PDE6C: variants seen among roughly 807,000 people sequenced by gnomAD.
PDE6C encodes phosphodiesterase 6C.
In PDE6C, 75 loss-of-function variants were observed where a neutral mutation model predicts 113.1. The observed-to-expected ratio is 0.66, with a 90% CI of 0.55 to 0.80. The LOEUF (loss-of-function observed/expected upper bound fraction) is 0.80, where lower values mean the gene tolerates loss of function less well. Ranked by LOEUF, PDE6C falls within the 30% of genes least tolerant of loss-of-function variation. The pLI is 0.00. For synonymous variants in PDE6C, 375 were observed against 363.7 expected, an observed-to-expected ratio of 1.03 and a Z score of -0.35; for missense variants, 912 against 1,038.6, an observed-to-expected ratio of 0.88 and a Z score of 1.67.
chr10:93,640,396 C>CA, intron 12 of PDE6C, 54 bp from the exon 13 acceptor site: 1 of 1,418,532 alleles, frequency 7.0e-7, no homozygotes, highest in Admixed American at 1.7e-5. Flanking sequence ...TGCCACAGAC[C>CA]TTCTAACCTT....
chr10:93,620,932 G>A lies in PDE6C; in HGVS notation c.675G>A (p.Arg225=), dbSNP rs2058442781. The A allele has an allele frequency of 6.2e-7, 1 of 1,613,878 alleles. No homozygotes were observed. Among genetic ancestry groups the A allele is most frequent in the South Asian group, 1.1e-5 (1 of 91,074 alleles). ...KYLNFVSIIL[R]LHHTSYMYNI... is the part of the protein sequence containing the mutation. Reference sequence around the variant, plus strand: ...TCAACTTTGTGTCTATCATCCTAAGGCTTCATCACACCAGCTACATGTACA... The same window carrying A: ...TCAACTTTGTGTCTATCATCCTAAGACTTCATCACACCAGCTACATGTACA... The change falls in exon 3 of 22, where the codon AGG becomes AGA. Residue 225 remains arginine, a synonymous_variant. Coordinates refer to ENST00000371447, the MANE Select transcript of PDE6C (RefSeq NM_006204.4).
intron 11 of PDE6C, 114 bp from the exon 12 acceptor site, chr10:93,639,956 A>T (rs2058551017): frequency 9.3e-7 from 1 of 1,078,308 alleles, no homozygotes; most frequent in South Asian, 1.3e-5. Flanking sequence ...GGTTCAGTGA[A>T]TCACACATTG....
intron 7 of PDE6C, among the ~76,000 whole-genome samples, chr10:93,628,116 A>G (rs1305581238): frequency 6.6e-6 from 1 of 152,246 alleles, no homozygotes; most frequent in East Asian, 1.9e-4. Context: ...ATACAAGCCA[A>G]GGATTTCCCC....
intron 19 of PDE6C, among the ~76,000 whole-genome samples, 161 bp from the exon 20 acceptor site, chr10:93,662,399 G>C (rs531224930): frequency 1.3e-5 from 2 of 149,202 alleles, no homozygotes; most frequent in African/African-American, 5.0e-5. Flanking sequence ...GAAGGCGAAG[G>C]CTGCAGTGAG....
At chr10:93,648,478 T>A (rs2058594701) in intron 15 of PDE6C, among the ~76,000 whole-genome samples, 1 of 152,244 alleles carries the variant, frequency 6.6e-6, no homozygotes, top group Non-Finnish European at 1.5e-5. Flanking sequence ...TGTATTTTTT[T>A]CATTCTCTAA....
In PDE6C at chr10:93,658,922, A is replaced by T; in HGVS notation, c.2058A>T (p.Lys686Asn). The change falls in exon 17 of 22, where the codon AAA (lysine) becomes AAT (asparagine). Residue 686 changes from lysine (K) to asparagine (N), a missense_variant. Transcript: ENST00000371447. ...CTAGGAAGAGGACCATGTTTCAAAA[A>T]ATTGTTGATGCCTGTGAACAAATGC... is the stretch of plus-strand genomic sequence containing the variant. ...LYFKKRTMFQKIVDACEQMQT... is the reference protein window; with the variant it reads ...LYFKKRTMFQNIVDACEQMQT... The T allele has an allele frequency of 1.9e-6, 3 of 1,611,144 alleles. No individual in the cohort carries two copies. Among genetic ancestry groups the T allele is most frequent in the Non-Finnish European group, 1.7e-6 (2 of 1,177,514 alleles).
At chr10:93,654,800 TTC>T (rs2058627770) in intron 15 of PDE6C, among the ~76,000 whole-genome samples, 2 of 90,484 alleles carry the variant, frequency 2.2e-5, no homozygotes, top group Non-Finnish European at 4.8e-5. Context: ...CTTTCTTTCT[TTC>T]TTTCTTTCTT....
Position 93,634,883 on chromosome 10 carries a change from T to C in PDE6C, c.1245T>C (p.Asp415=). 1.2e-6 allele frequency: 2 copies of C among 1,614,086 alleles called. No individual in the cohort carries two copies. Among genetic ancestry groups the C allele is most frequent in the East Asian group, 2.2e-5 (1 of 44,854 alleles). ...ACAGGAAGGATGGAAAACCTTTCGA[T>C]GAGCATGATGAATACATTACCGAGG... is the stretch of plus-strand genomic sequence containing the variant. ...FYNRKDGKPF[D]EHDEYITETL... is the part of the protein sequence containing the mutation. The change falls in exon 9 of 22, where the codon GAT becomes GAC. Residue 415 remains aspartate, a synonymous_variant. Coordinates refer to ENST00000371447, the MANE Select transcript of PDE6C (RefSeq NM_006204.4).
chr10:93,663,258 A>G, intron 21 of PDE6C, 80 bp downstream of exon 21: 1 of 1,399,028 alleles, frequency 7.1e-7, no homozygotes, highest in South Asian at 1.2e-5. Context: ...AAAGCCATAA[A>G]GAGTCACCAC....
intron 1 of PDE6C, among the ~76,000 whole-genome samples, chr10:93,614,867 C>G (rs2058412818): frequency 6.6e-6 from 1 of 152,026 alleles, no homozygotes; most frequent in African/African-American, 2.4e-5. Context: ...GGGTGGGACA[C>G]AGAGAAATGT....
Position 93,663,164 on chromosome 10 carries a change from G to A in PDE6C, c.2504G>A (p.Gly835Glu), listed in dbSNP as rs2058674470. The change falls in exon 21 of 22, where the codon GGA (glycine) becomes GAA (glutamate). Residue 835 changes from glycine (G) to glutamate (E), a missense_variant. Coordinates refer to ENST00000371447, the MANE Select transcript of PDE6C (RefSeq NM_006204.4). Reference sequence around the variant, plus strand: ...GAAGAGGAGGCAAAAAAGCAAGAAGGAGGAGCCGAAAAAGGTTAGATGGGC... The same window carrying A: ...GAAGAGGAGGCAAAAAAGCAAGAAGAAGGAGCCGAAAAAGGTTAGATGGGC... ...VIEEEAKKQEGGAEKAAEDSG... is the reference protein window; with the variant it reads ...VIEEEAKKQEEGAEKAAEDSG... 5 of 1,613,452 alleles carry A rather than the reference G, an allele frequency of 3.1e-6. No homozygotes were observed. Among genetic ancestry groups the A allele is most frequent in the Admixed American group, 1.7e-5 (1 of 59,938 alleles).
chr10:93,626,640 G>A lies in PDE6C; in HGVS notation c.940G>A (p.Glu314Lys). Residue 314 changes from glutamate (E) to lysine (K), a missense_variant and splice_region_variant, in exon 6 of 22, where the codon GAA becomes AAA. Glu to Lys is a moderately conservative substitution (Grantham distance 56). Transcript: ENST00000371447. Reference protein sequence around the residue: ...YKGPKTPDGREVNFYKIIDYI... With the variant: ...YKGPKTPDGRKVNFYKIIDYI... ...CCATAATATCCTCTTTCTTTCTTAGGAAGTCAACTTTTATAAAATCATTGA... is the reference window on the plus strand; with the variant it reads ...CCATAATATCCTCTTTCTTTCTTAGAAAGTCAACTTTTATAAAATCATTGA... 1 of 1,495,034 alleles carries A rather than the reference G, an allele frequency of 6.7e-7. No individual in the cohort carries two copies. Among genetic ancestry groups the A allele is most frequent in the Non-Finnish European group, 9.3e-7 (1 of 1,072,120 alleles). 92.6% of individuals were successfully genotyped at this position (1,495,034 alleles called of 1,614,324 possible). A position where few individuals can be genotyped will look rare whatever the true frequency, so the allele number is the denominator to read the frequency against.
intron 7 of PDE6C, among the ~76,000 whole-genome samples, chr10:93,627,201 G>T (rs1304604269): frequency 7.4e-6 from 1 of 135,916 alleles, no homozygotes; most frequent in Non-Finnish European, 1.5e-5. Flanking sequence ...GGTGGAGATT[G>T]CAGTGAGCCA....
rs139652451 is a variant in PDE6C, at chr10:93,613,171, C to T, written c.446C>T (p.Thr149Met). 167 of 1,613,680 alleles carry T rather than the reference C, an allele frequency of 1.0e-4. 1 individual carries two copies. Among genetic ancestry groups the T allele is most frequent in the African/African-American group, 3.3e-4 (25 of 74,892 alleles). The part of the protein sequence containing the change: ...DIGIVGWAAH[T>M]KKTHNVPDVK... The stretch of plus-strand genomic sequence containing the variant: ...GGGATAGTGGGTTGGGCTGCTCACA[C>T]GAAGAAAACTCATAATGTCCCAGAT... Residue 149 changes from threonine (T) to methionine (M), a missense_variant, in exon 1 of 22, where the codon ACG (threonine) becomes ATG (methionine). Coordinates refer to ENST00000371447, the MANE Select transcript of PDE6C (RefSeq NM_006204.4).
Position 93,659,025 on chromosome 10 carries a change from G to C in PDE6C, c.2144+17G>C. ...GATTATCATGTAGGTAGTTGAAATT[G>C]TATTTCTCTCTTGTTTTTTGTAAAA... On this transcript the variant is annotated intron_variant, in intron 17 of 21. Coordinates refer to ENST00000371447, the MANE Select transcript of PDE6C (RefSeq NM_006204.4). The C allele has an allele frequency of 6.4e-7, 1 of 1,574,394 alleles. No individual in the cohort carries two copies. Among genetic ancestry groups the C allele is most frequent in the Non-Finnish European group, 8.7e-7 (1 of 1,144,372 alleles).
chr10:93,643,378 T>C (rs2058568620), intron 14 of PDE6C, among the ~76,000 whole-genome samples: 1 of 152,030 alleles, frequency 6.6e-6, no homozygotes, highest in African/African-American at 2.4e-5. Context: ...TGAATGTCTG[T>C]GTGTGTATAT....
At chr10:93,619,670 C>T (rs925027349) in intron 1 of PDE6C, among the ~76,000 whole-genome samples, 3 of 152,200 alleles carry the variant, frequency 2.0e-5, no homozygotes, top group Admixed American at 2.0e-4. Context: ...AGGTGATCCG[C>T]CTGCCTTGGC....
rs2058687860 is a variant in PDE6C, at chr10:93,665,930, TAAG to T, written c.*513_*515del. The T allele has an allele frequency of 5.3e-6, 1 of 189,516 alleles. No individual in the cohort carries two copies. Among genetic ancestry groups the T allele is most frequent in the African/African-American group, 2.4e-5 (1 of 41,716 alleles). The allele number at this position is 189,516 out of a possible 1,614,324, so 11.7% of individuals were successfully genotyped here. ...TCTGTGTCCTAATCTCCTTTTCTTATAAGGACTCCAGTAGGACTGGATTAGGGC... is the reference window on the plus strand; with the variant it reads ...TCTGTGTCCTAATCTCCTTTTCTTATGACTCCAGTAGGACTGGATTAGGGC... On this transcript the variant is annotated 3_prime_UTR_variant, in exon 22 of 22. Coordinates refer to ENST00000371447, the MANE Select transcript of PDE6C (RefSeq NM_006204.4).
intron 4 of PDE6C, 106 bp downstream of exon 4, chr10:93,622,178 C>A: frequency 8.8e-7 from 1 of 1,138,296 alleles, no homozygotes; most frequent in Non-Finnish European, 1.3e-6. Flanking sequence ...AATAATTAGT[C>A]ATGATTGATG....
Sources: gnomAD v4.1 joint callset for allele counts (sites outside exome capture counted in the v4.1 genomes callset) on GRCh38, gnomAD v4.1.1 for gene constraint, MANE v1.5 for transcripts, NCBI Gene and HGNC (gene_info 2026-07-23, HGNC 2026-07-21) for gene names.